The following GRK5 variants were observed in gnomAD, a reference collection of about 807,000 sequenced individuals.
The protein encoded by GRK5 is G protein-coupled receptor kinase 5.
A neutral mutation model predicts 78.4 loss-of-function variants in GRK5; 40 were observed. The ratio of observed to expected loss-of-function variants is 0.51; its 90% CI spans 0.40 to 0.66. The LOEUF (loss-of-function observed/expected upper bound fraction) is 0.66, where lower values mean the gene tolerates loss of function less well. Among genes scored for constraint, GRK5 ranks in the 30% least tolerant of loss-of-function variants. The pLI is 0.00. For synonymous variants in GRK5, 289 were observed against 296.8 expected (o/e 0.97, Z 0.27); for missense variants, 598 against 759.9 (o/e 0.79, Z 2.50).
rs574292324 is a variant in GRK5, at chr10:119,237,235, G to A, written c.52+29266G>A. On this transcript the variant is annotated intron_variant, in intron 1 of 15. Transcript: ENST00000392870. ...GTGCCACCATTCCCAGCTAAGTTTT[G>A]TATTTTTAGTAGAAATGGGGTTTCA... 1.3e-3 allele frequency among the ~76,000 whole-genome samples: 195 copies of A among 152,000 alleles called. 1 individual carries two copies. Among genetic ancestry groups the A allele is most frequent in the Non-Finnish European group, 2.4e-3 (166 of 67,966 alleles).
intron 2 of GRK5, chr10:119,333,728 A>G: frequency 1.9e-6 from 1 of 529,442 alleles, no homozygotes; most frequent in Non-Finnish European, 3.9e-6. Flanking sequence ...TGCTTATTCA[A>G]TGCATGTTTA....
chr10:119,426,003 G>T (rs1012838930), intron 6 of GRK5, among the ~76,000 whole-genome samples: 2 of 152,216 alleles, frequency 1.3e-5, no homozygotes, highest in Non-Finnish European at 2.9e-5. Flanking sequence ...TAAAATCCAT[G>T]CCGGGCCGAG....
rs1852816565 is a variant in GRK5, at chr10:119,431,516, A to G, written c.727A>G (p.Ser243Gly). 1 of 1,613,408 alleles carries G rather than the reference A, an allele frequency of 6.2e-7. No homozygotes were observed. Among genetic ancestry groups the G allele is most frequent in the South Asian group, 1.1e-5 (1 of 91,000 alleles). ...NEKQILEKVN[S>G]QFVVNLAYAY... is the part of the protein sequence containing the mutation. ...GAAGCAGATCCTCGAGAAGGTCAAC[A>G]GTCAGTTTGTGGTGAGTGAGCATCT... The change falls in exon 8 of 16, where the codon AGT (serine) becomes GGT (glycine). Residue 243 changes from serine to glycine, a missense_variant. Transcript: ENST00000392870. The surrounding 1 kb of genome is among the most constrained non-coding windows in gnomAD (Gnocchi z 4.8).
chr10:119,215,133 C>T (rs1848549857), intron 1 of GRK5, among the ~76,000 whole-genome samples: 1 of 152,206 alleles, frequency 6.6e-6, no homozygotes. Flanking sequence ...GGGCTCTGTT[C>T]AACGTAGTAG....
At chr10:119,210,216 G>A (rs1437412743) in intron 1 of GRK5, among the ~76,000 whole-genome samples, 1 of 152,174 alleles carries the variant, frequency 6.6e-6, no homozygotes, top group Non-Finnish European at 1.5e-5. Context: ...TGAGAAAATA[G>A]CTCTTGATGA....
At chr10:119,279,521 G>A (rs949044842) in intron 1 of GRK5, among the ~76,000 whole-genome samples, 1 of 152,176 alleles carries the variant, frequency 6.6e-6, no homozygotes, top group Non-Finnish European at 1.5e-5. Context: ...GCTACTAGGG[G>A]GGTGGGAGTG....
chr10:119,406,173 A>G (rs1852236050), intron 4 of GRK5, among the ~76,000 whole-genome samples: 1 of 152,232 alleles, frequency 6.6e-6, no homozygotes, highest in Admixed American at 6.5e-5. Context: ...GAGTGATTCA[A>G]TATTATCTAA....
rs967020501 is a variant in GRK5 at position 119,452,162 on chromosome 10, G to A, written c.1405-509G>A. Among the ~76,000 whole-genome samples the A allele has an allele frequency of 6.6e-6, 1 of 152,206 alleles. No homozygotes were observed. Among genetic ancestry groups the A allele is most frequent in the African/African-American group, 2.4e-5 (1 of 41,450 alleles). ...GGCGCCAGGCTCGGTGGCCAGCACT[G>A]ACAGCAGCCCCATCGCCCAGGTGCC... On this transcript the variant is annotated intron_variant, in intron 13 of 15. Transcript: ENST00000392870. This position sits in a 1 kb window ranked among gnomAD's most constrained non-coding sequence, Gnocchi z 4.4.
At chr10:119,326,731 A>G (rs1850686961) in intron 2 of GRK5, 120 bp downstream of exon 2, 2 of 731,516 alleles carry the variant, frequency 2.7e-6, no homozygotes, top group Non-Finnish European at 4.8e-6. Flanking sequence ...GCAAATGCCA[A>G]TCAGTGGACA....
intron 1 of GRK5, among the ~76,000 whole-genome samples, chr10:119,227,993 T>TC (rs1405738674): frequency 7.2e-5 from 11 of 152,144 alleles, no homozygotes; most frequent in African/African-American, 2.7e-4. Context: ...ACCAATGACG[T>TC]GCAGGAAGTT....
At chr10:119,227,518 C>G (rs7907460) in intron 1 of GRK5, among the ~76,000 whole-genome samples, 28,928 of 152,096 alleles carry the variant, frequency 0.19, 3,624 homozygotes, top group African/African-American at 0.36. Context: ...TTGCAGTGAG[C>G]TGAGATCGTG....
At chr10:119,358,159 C>T (rs944399600) in intron 2 of GRK5, among the ~76,000 whole-genome samples, 39 of 152,070 alleles carry the variant, frequency 2.6e-4, no homozygotes, top group African/African-American at 8.5e-4. Context: ...TCCTGGAGCA[C>T]GAGTGAGAGT....
intron 1 of GRK5, among the ~76,000 whole-genome samples, chr10:119,291,714 A>C (rs1443141134): frequency 8.2e-4 from 68 of 82,668 alleles, no homozygotes; most frequent in Admixed American, 1.4e-3. Context: ...CCTCCTCCTT[A>C]TCCTCATCCT....
chr10:119,425,162 A>T (rs1300856188), intron 6 of GRK5, 77 bp downstream of exon 6: 39 of 1,069,652 alleles, frequency 3.6e-5, no homozygotes, highest in South Asian at 2.3e-4. Context: ...TATAAAAATC[A>T]GTTACCTCCC....
intron 1 of GRK5, among the ~76,000 whole-genome samples, chr10:119,294,523 G>T (rs1850044850): frequency 6.6e-6 from 1 of 152,150 alleles, no homozygotes; most frequent in Non-Finnish European, 1.5e-5. Flanking sequence ...TTGTTCTCAG[G>T]AAAGGGCCAA....
chr10:119,377,932 G>C (rs1048649712), intron 2 of GRK5: 3 of 154,438 alleles, frequency 1.9e-5, no homozygotes, highest in African/African-American at 7.2e-5. Flanking sequence ...AGGATGCAAA[G>C]ATTTGTTTTC....
chr10:119,406,972 A>T (rs1356359292), intron 4 of GRK5, among the ~76,000 whole-genome samples: 2 of 152,238 alleles, frequency 1.3e-5, no homozygotes, highest in African/African-American at 4.8e-5. Flanking sequence ...TCACAGCCAT[A>T]TAAAATAACA....
chr10:119,436,002 G>T (rs1852911118), intron 8 of GRK5, among the ~76,000 whole-genome samples: 1 of 152,300 alleles, frequency 6.6e-6, no homozygotes, highest in African/African-American at 2.4e-5. Context: ...AAACCATCAG[G>T]TCTGTGAGAC....
chr10:119,422,710 A>G (rs1852595349), intron 4 of GRK5, among the ~76,000 whole-genome samples: 1 of 152,230 alleles, frequency 6.6e-6, no homozygotes, highest in Non-Finnish European at 1.5e-5. Context: ...AAGGGGCGTC[A>G]CCAAGCCTGC....
Sources: allele counts gnomAD v4.1 joint callset (sites outside exome capture counted in the v4.1 genomes callset), GRCh38; gene constraint gnomAD v4.1.1; non-coding constraint Gnocchi (gnomAD v3.1); transcripts MANE v1.5; gene names NCBI Gene and HGNC (gene_info 2026-07-23, HGNC 2026-07-21).